Variants in NAAA observed in about 807,000 individuals in gnomAD.
NAAA encodes N-acylethanolamine acid amidase, also known as N-acylethanolamine-hydrolyzing acid amidase.
In NAAA, 39 loss-of-function variants were observed where a neutral mutation model predicts 44.8. The ratio of observed to expected loss-of-function variants is 0.87; its 90% CI spans 0.67 to 1.14. NAAA has a LOEUF of 1.14. Among genes scored for constraint, NAAA ranks in the 50% most tolerant of loss-of-function variants. NAAA has a pLI of 0.00. For synonymous variants in NAAA, 178 were observed against 191.3 expected, an observed-to-expected ratio of 0.93 and a Z score of 0.58; for missense variants, 460 against 467.8, an observed-to-expected ratio of 0.98 and a Z score of 0.15.
In NAAA at chr4:75,920,997, T is replaced by G. The variant is rs766978089; in HGVS notation, c.793A>C (p.Arg265=). Residue 265 remains arginine (R), a synonymous_variant, in exon 6 of 11, where the codon AGA becomes CGA. Transcript: ENST00000286733. ...GGCCAAATGTCTGCTGGGCCATCTC[T>G]GTTCCTCGTGATGACCACCCCCTCC... The part of the protein sequence containing the change: ...PREGVVITRN[R]DGPADIWPLD... 8.7e-6 allele frequency: 14 copies of G among 1,612,092 alleles called. No individual in the cohort carries two copies. The highest frequency in any genetic ancestry group is 3.4e-6 in the Non-Finnish European group (4 of 1,179,630).
In NAAA at chr4:75,935,804, G is replaced by A. The variant is rs184260552; in HGVS notation, c.498+305C>T. ...CCTCCATATTCCAGAAGCAGCCTGGGCATGGGAAAGCAGAGGAAAGAGCTG... is the reference window on the plus strand; with the variant it reads ...CCTCCATATTCCAGAAGCAGCCTGGACATGGGAAAGCAGAGGAAAGAGCTG... On this transcript the variant is annotated intron_variant, in intron 3 of 10. Coordinates refer to ENST00000286733, the MANE Select transcript of NAAA (RefSeq NM_014435.4). 77 of 428,624 alleles carry A rather than the reference G, an allele frequency of 1.8e-4. 1 individual carries two copies. The Admixed American group carries it at 3.3e-3, about 18-fold the overall frequency. 26.6% of individuals were successfully genotyped at this position (428,624 alleles called of 1,614,324 possible).
At chr4:75,921,232 T>C (rs554143532) in intron 5 of NAAA, 109 bp from the exon 6 acceptor site, 2 of 1,006,202 alleles carry the variant, frequency 2.0e-6, no homozygotes, top group South Asian at 1.8e-5. Context: ...ATGTCATGAC[T>C]ATCACCTTGA....
intron 4 of NAAA, among the ~76,000 whole-genome samples, chr4:75,930,859 A>G (rs763271546): frequency 5.3e-5 from 8 of 152,012 alleles, no homozygotes; most frequent in Non-Finnish European, 1.2e-4. Flanking sequence ...TATTATTACT[A>G]CCTACGGCCT....
downstream of NAAA, among the ~76,000 whole-genome samples, chr4:75,911,961 G>A (rs1383215605): frequency 6.6e-6 from 1 of 152,112 alleles, no homozygotes; most frequent in Middle Eastern, 3.2e-3. Flanking sequence ...TTCCTCCCAC[G>A]ATTAGCTTGG....
chr4:75,938,604 A>G (rs955313324), intron 2 of NAAA, among the ~76,000 whole-genome samples: 1 of 152,192 alleles, frequency 6.6e-6, no homozygotes, highest in Non-Finnish European at 1.5e-5. Flanking sequence ...TGCCTGGGCC[A>G]GTAAAGTTTC....
intron 9 of NAAA, among the ~76,000 whole-genome samples, chr4:75,917,951 C>T (rs1725785481): frequency 6.6e-6 from 1 of 152,096 alleles, no homozygotes; most frequent in Non-Finnish European, 1.5e-5. Context: ...AGTGGAAATT[C>T]CTCCGGAGGA....
intron 7 of NAAA, among the ~76,000 whole-genome samples, chr4:75,920,458 G>T (rs1726040203): frequency 6.6e-6 from 1 of 152,114 alleles, no homozygotes. Flanking sequence ...GTAAACAGAG[G>T]CCCGAGAGCC....
chr4:75,917,906 G>A lies in NAAA; in HGVS notation c.998+855C>T, dbSNP rs944809222. The A allele has an allele frequency of 1.7e-5, 4 of 240,104 alleles. No homozygotes were observed. The South Asian group carries it at 1.7e-4, about 10-fold the overall frequency. 14.9% of individuals were successfully genotyped at this position (240,104 alleles called of 1,614,324 possible). Reference sequence around the variant, plus strand: ...GGCTAAAAAAGAACATTAACTAAGCGAATTGTCAGTGGAACAAGGAACAGC... The same window carrying A: ...GGCTAAAAAAGAACATTAACTAAGCAAATTGTCAGTGGAACAAGGAACAGC... On this transcript the variant is annotated intron_variant, in intron 9 of 10. Transcript: ENST00000286733.
At chr4:75,911,030 A>ATAT (rs1259233727), downstream of NAAA, among the ~76,000 whole-genome samples, 1 of 152,098 alleles carries the variant, frequency 6.6e-6, no homozygotes, top group Admixed American at 6.6e-5. Flanking sequence ...GGCGGAGAGG[A>ATAT]TATTACAAAG....
At chr4:75,910,798 T>G (rs1029325922), downstream of NAAA, among the ~76,000 whole-genome samples, 2 of 152,182 alleles carry the variant, frequency 1.3e-5, no homozygotes, top group African/African-American at 2.4e-5. Flanking sequence ...CACGTGACAC[T>G]GTTATCACTG....
chr4:75,926,419 A>G (rs1382573757), intron 4 of NAAA, among the ~76,000 whole-genome samples: 1 of 151,650 alleles, frequency 6.6e-6, no homozygotes, highest in Non-Finnish European at 1.5e-5. Flanking sequence ...AAATTAGCTG[A>G]GCATGGTGGC....
intron 2 of NAAA, 80 bp from the exon 3 acceptor site, chr4:75,936,315 C>CA: frequency 6.7e-7 from 1 of 1,501,788 alleles, no homozygotes; most frequent in South Asian, 1.2e-5. Context: ...ATTTGTAAAA[C>CA]AAATCCTCAA....
rs1230394738 is a variant in NAAA, at chr4:75,914,882, G to A, written c.*22C>T. 1 of 1,613,214 alleles carries A rather than the reference G, an allele frequency of 6.2e-7. No homozygotes were observed. Among genetic ancestry groups the A allele is most frequent in the Non-Finnish European group, 8.5e-7 (1 of 1,179,368 alleles). ...TAACAACAAACCTTTCACAGCACGG[G>A]CGAACTCGCTCTTCTGCTGACTTAC... is the stretch of plus-strand genomic sequence containing the variant. On this transcript the variant is annotated 3_prime_UTR_variant, in exon 10 of 11. Transcript: ENST00000286733.
chr4:75,921,713 A>C (rs1186031114), intron 5 of NAAA, among the ~76,000 whole-genome samples: 2 of 152,186 alleles, frequency 1.3e-5, no homozygotes, highest in Non-Finnish European at 2.9e-5. Flanking sequence ...CTAAAGAGAC[A>C]AACACAAGTG....
intron 2 of NAAA, 140 bp from the exon 3 acceptor site, chr4:75,936,375 A>T: frequency 1.1e-6 from 1 of 896,824 alleles, no homozygotes; most frequent in Non-Finnish European, 1.7e-6. Context: ...TAATGCTTGT[A>T]TAAGAATATA....
chr4:75,927,128 C>G (rs1298381688), intron 4 of NAAA, among the ~76,000 whole-genome samples: 1 of 152,110 alleles, frequency 6.6e-6, no homozygotes, highest in African/African-American at 2.4e-5. Flanking sequence ...CAAATCAAAA[C>G]TACAATGAGA....
chr4:75,917,974 A>G (rs1232097805), intron 9 of NAAA, among the ~76,000 whole-genome samples: 1 of 152,158 alleles, frequency 6.6e-6, no homozygotes, highest in Non-Finnish European at 1.5e-5. Context: ...AAAGAAAACC[A>G]AAGGTATTCA....
intron 2 of NAAA, 197 bp downstream of exon 2, chr4:75,939,804 A>C: frequency 1.7e-6 from 1 of 600,824 alleles, no homozygotes; most frequent in Non-Finnish European, 2.9e-6. Flanking sequence ...GTTGAATCGG[A>C]GAATCTGCTT....
intron 4 of NAAA, chr4:75,930,345 G>A (rs1727118249): frequency 7.3e-6 from 3 of 411,916 alleles, no homozygotes; most frequent in South Asian, 5.7e-5. Context: ...GAGCAATTGG[G>A]TCAGGACCCA....
Sources: allele counts gnomAD v4.1 joint callset (sites outside exome capture counted in the v4.1 genomes callset), GRCh38; gene constraint gnomAD v4.1.1; transcripts MANE v1.5; gene names NCBI Gene and HGNC (gene_info 2026-07-23, HGNC 2026-07-21).